Variants in SCML4 observed in about 807,000 individuals in gnomAD.
SCML4 encodes sex comb on midleg-like protein 4.
SCML4 carries 34 observed loss-of-function variants against 41.1 expected under a neutral mutation model. The observed-to-expected ratio is 0.83, with a 90% CI of 0.63 to 1.10. The LOEUF is 1.10. Among genes scored for constraint, SCML4 ranks in the 50% least tolerant of loss-of-function variants. SCML4 has a pLI of 0.00. For missense variants in SCML4, 522 were observed against 534.1 expected (o/e 0.98, Z 0.22); for synonymous variants, 214 against 220.9 (o/e 0.97, Z 0.28).
intron 1 of SCML4, among the ~76,000 whole-genome samples, chr6:107,773,956 T>C (rs1449606304): frequency 6.6e-6 from 1 of 152,260 alleles, no homozygotes; most frequent in Non-Finnish European, 1.5e-5. Flanking sequence ...GTGGAAGTTC[T>C]TAAAAACATG....
chr6:107,785,462 C>G lies in SCML4; in HGVS notation c.-59-13076G>C, dbSNP rs542373078. ...AGAAAGCCTCCCATCTCCTAAGCAC[C>G]CAGAAGGCAGTGAGAAACATCTAGT... is the stretch of plus-strand genomic sequence containing the variant. On this transcript the variant is annotated intron_variant, in intron 1 of 7. Coordinates refer to ENST00000369020, the MANE Select transcript of SCML4 (RefSeq NM_198081.5). Among the ~76,000 whole-genome samples the G allele has an allele frequency of 4.6e-5, 7 of 152,330 alleles. No individual in the cohort carries two copies. In the South Asian group the frequency reaches 1.4e-3, roughly 32 times the overall value.
At chr6:107,760,755 C>T (rs1035252551) in intron 2 of SCML4, among the ~76,000 whole-genome samples, 3 of 152,080 alleles carry the variant, frequency 2.0e-5, no homozygotes, top group Non-Finnish European at 4.4e-5. Context: ...GCAATAAAAA[C>T]ACACAGCAAT....
chr6:107,809,580 A>T (rs963259487), intron 1 of SCML4, among the ~76,000 whole-genome samples: 3 of 152,176 alleles, frequency 2.0e-5, no homozygotes, highest in African/African-American at 7.2e-5. Flanking sequence ...ATTGGAAGGC[A>T]TGGGGTAAGG....
rs571893332 is a variant in SCML4 at position 107,786,029 on chromosome 6, C to A, written c.-59-13643G>T. Among the ~76,000 whole-genome samples, 8 of 152,300 alleles carry A rather than the reference C, an allele frequency of 5.3e-5. No homozygotes were observed. The East Asian group carries it at 1.4e-3, about 26-fold the overall frequency. ...ATCTAGGACAGCTAGGCTGAAGGCT[C>A]CCCTGTGTGCAGCCCTGCAGTCCCA... On this transcript the variant is annotated intron_variant, in intron 1 of 7. Coordinates refer to ENST00000369020, the MANE Select transcript of SCML4 (RefSeq NM_198081.5).
chr6:107,717,282 C>T (rs1774929814), intron 6 of SCML4, among the ~76,000 whole-genome samples: 1 of 126,116 alleles, frequency 7.9e-6, no homozygotes, highest in African/African-American at 2.9e-5. Flanking sequence ...CAGAGCGAGA[C>T]TCTGTCTCAA....
At chr6:107,787,576 A>G (rs1583585574) in intron 1 of SCML4, among the ~76,000 whole-genome samples, 1 of 152,238 alleles carries the variant, frequency 6.6e-6, no homozygotes, top group Non-Finnish European at 1.5e-5. Flanking sequence ...TTCTAGTTCA[A>G]TCTTTATCTA....
intron 2 of SCML4, chr6:107,755,668 A>T: frequency 1.0e-6 from 1 of 982,950 alleles, no homozygotes. Context: ...TAGGTTTCTA[A>T]AAAAAAAAAA....
intron 1 of SCML4, among the ~76,000 whole-genome samples, chr6:107,778,209 AAAAAAAAAAAAAAATATATATATATATAT>A (rs1184867315): frequency 2.2e-3 from 22 of 9,914 alleles, no homozygotes; most frequent in Admixed American, 6.3e-3. Flanking sequence ...AAAAAAAAAA[AAAAAAAAAAAAAAATATATATATATATAT>A]ATATATATAT....
the SCML4 span, among the ~76,000 whole-genome samples, chr6:107,829,411 T>C: frequency 6.6e-6 from 1 of 151,474 alleles, no homozygotes; most frequent in African/African-American, 2.4e-5. Context: ...AAAGAAAAAA[T>C]AGTAATGATT....
intron 1 of SCML4, among the ~76,000 whole-genome samples, chr6:107,818,820 T>G (rs1404210099): frequency 6.6e-6 from 1 of 152,234 alleles, no homozygotes; most frequent in Non-Finnish European, 1.5e-5. Context: ...CTGGCCGACT[T>G]GAAGTCTGCA....
chr6:107,804,411 T>G (rs1783563470), intron 1 of SCML4, among the ~76,000 whole-genome samples: 1 of 152,138 alleles, frequency 6.6e-6, no homozygotes, highest in South Asian at 2.1e-4. Flanking sequence ...ATTCTCAATT[T>G]TAATTTCAGC....
chr6:107,795,588 C>T (rs1215139770), intron 1 of SCML4, among the ~76,000 whole-genome samples: 5 of 152,048 alleles, frequency 3.3e-5, no homozygotes, highest in Admixed American at 6.6e-5. Flanking sequence ...AGTGCAATGG[C>T]GTGATCTCAG....
At chr6:107,762,506 A>G (rs2114543440) in intron 2 of SCML4, among the ~76,000 whole-genome samples, 1 of 152,354 alleles carries the variant, frequency 6.6e-6, no homozygotes. Flanking sequence ...TGTGAATGTG[A>G]CCTTATTTGA....
intron 1 of SCML4, among the ~76,000 whole-genome samples, chr6:107,791,262 T>C (rs1343094227): frequency 1.3e-5 from 2 of 151,972 alleles, no homozygotes; most frequent in African/African-American, 4.8e-5. Context: ...TTAGTTTCAG[T>C]TTAGGACAGA....
At chr6:107,818,127 G>C (rs1282036229) in intron 1 of SCML4, among the ~76,000 whole-genome samples, 1 of 152,178 alleles carries the variant, frequency 6.6e-6, no homozygotes, top group Non-Finnish European at 1.5e-5. Flanking sequence ...CAAATTTAAA[G>C]CTATCTACAG....
chr6:107,720,848 G>A lies in SCML4; in HGVS notation c.828C>T (p.Asp276=), dbSNP rs1417131557. 2 of 1,614,176 alleles carry A rather than the reference G, an allele frequency of 1.2e-6. No homozygotes were observed. Among genetic ancestry groups the A allele is most frequent in the Non-Finnish European group, 8.5e-7 (1 of 1,179,996 alleles). Residue 276 remains aspartate (D), a synonymous_variant, in exon 6 of 8, where the codon GAC becomes GAT. Transcript: ENST00000369020. Reference sequence around the variant, plus strand: ...CAGCAGGACCACCCCCAAGGTGGCTGTCTCCAGAGTTCTGCCTCTTGCAGT... The same window carrying A: ...CAGCAGGACCACCCCCAAGGTGGCTATCTCCAGAGTTCTGCCTCTTGCAGT... ...SLYCKRQNSG[D]SHLGGGPAAT... is the part of the protein sequence containing the mutation.
the SCML4 span, among the ~76,000 whole-genome samples, chr6:107,835,865 T>C: frequency 7.1e-6 from 1 of 140,476 alleles, no homozygotes; most frequent in African/African-American, 2.7e-5. Flanking sequence ...AGAAGGAAAA[T>C]AGAAAAACTT....
intron 7 of SCML4, 66 bp from the exon 8 acceptor site, chr6:107,705,391 A>T (rs2114324797): frequency 6.7e-7 from 1 of 1,487,996 alleles, no homozygotes; most frequent in East Asian, 2.5e-5. Context: ...ACAGTGGCTA[A>T]GGTTAAGGTG....
At chr6:107,741,876 G>A (rs969590053) in intron 5 of SCML4, among the ~76,000 whole-genome samples, 1 of 152,150 alleles carries the variant, frequency 6.6e-6, no homozygotes, top group Non-Finnish European at 1.5e-5. Context: ...CAAAGACATA[G>A]ACACATCCAC....
Sources: gnomAD v4.1 joint callset for allele counts (sites outside exome capture counted in the v4.1 genomes callset) on GRCh38, gnomAD v4.1.1 for gene constraint, MANE v1.5 for transcripts, NCBI Gene and HGNC (gene_info 2026-07-23, HGNC 2026-07-21) for gene names.